UNC5D: variants seen among roughly 807,000 people sequenced by gnomAD.
UNC5D encodes unc-5 netrin receptor D.
In UNC5D, 39 loss-of-function variants were observed where a neutral mutation model predicts 105.4. The observed-to-expected ratio is 0.37, with a 90% CI of 0.29 to 0.48. The LOEUF is 0.48. UNC5D is among the 20% of genes least tolerant of loss of function. The pLI is 0.98. For synonymous variants in UNC5D, 452 were observed against 450.4 expected, an observed-to-expected ratio of 1.00 and a Z score of -0.04; for missense variants, 991 against 1,202.4, an observed-to-expected ratio of 0.82 and a Z score of 2.60.
chr8:35,589,792 A>G (rs1554568599), intron 3 of UNC5D, among the ~76,000 whole-genome samples: 1 of 152,132 alleles, frequency 6.6e-6, no homozygotes, highest in Non-Finnish European at 1.5e-5. Context: ...CTAGCATAGC[A>G]TTTTTAAGAT....
chr8:35,751,774 G>C (rs998159038), intron 13 of UNC5D, among the ~76,000 whole-genome samples: 2 of 152,198 alleles, frequency 1.3e-5, no homozygotes, highest in Admixed American at 6.5e-5. Flanking sequence ...CGCATGTGCA[G>C]AACATTGTGT....
rs376290499 is a variant in UNC5D at position 35,306,470 on chromosome 8, AAT to A, written c.103+70585_103+70586del. Among the ~76,000 whole-genome samples the A allele has an allele frequency of 3.2e-4, 49 of 152,206 alleles. 1 individual carries two copies. Among genetic ancestry groups the A allele is most frequent in the African/African-American group, 1.2e-3 (48 of 41,548 alleles). On this transcript the variant is annotated intron_variant, in intron 1 of 16. Transcript: ENST00000404895. ...TAAAATTTTTCTGTGGTTTTGCCTG[AAT>A]ACTATGAAGACTACTTATTTACAGA...
At chr8:35,438,475 G>A (rs563199449) in intron 1 of UNC5D, among the ~76,000 whole-genome samples, 44 of 151,958 alleles carry the variant, frequency 2.9e-4, no homozygotes, top group South Asian at 1.0e-3. Context: ...AATCATGCTG[G>A]GACAACCAGC....
chr8:35,753,990 G>A (rs1290726395), intron 13 of UNC5D, among the ~76,000 whole-genome samples: 2 of 152,150 alleles, frequency 1.3e-5, no homozygotes, highest in Non-Finnish European at 2.9e-5. Context: ...GATTTATTTT[G>A]ATCACCTGCA....
intron 1 of UNC5D, among the ~76,000 whole-genome samples, chr8:35,389,502 A>G (rs1273129136): frequency 2.0e-5 from 3 of 152,160 alleles, no homozygotes; most frequent in Non-Finnish European, 4.4e-5. Flanking sequence ...ACATGACTGT[A>G]ATGATGAAAA....
At chr8:35,382,492 C>T (rs1193749571) in intron 1 of UNC5D, among the ~76,000 whole-genome samples, 1 of 152,048 alleles carries the variant, frequency 6.6e-6, no homozygotes, top group Non-Finnish European at 1.5e-5. Flanking sequence ...AAATTTAGCG[C>T]TTTCTTTTGC....
intron 1 of UNC5D, among the ~76,000 whole-genome samples, chr8:35,373,364 C>G (rs1354298136): frequency 1.3e-5 from 2 of 152,224 alleles, no homozygotes; most frequent in Non-Finnish European, 2.9e-5. Context: ...GTTACCTACT[C>G]TACAGTACAA....
chr8:35,438,570 T>C (rs1807183324), intron 1 of UNC5D, among the ~76,000 whole-genome samples: 1 of 152,012 alleles, frequency 6.6e-6, no homozygotes, highest in Non-Finnish European at 1.5e-5. Context: ...ACATTCACTA[T>C]CAAGGATCAC....
intron 12 of UNC5D, among the ~76,000 whole-genome samples, chr8:35,749,772 C>A (rs778299466): frequency 1.3e-5 from 2 of 152,120 alleles, no homozygotes; most frequent in African/African-American, 4.8e-5. Flanking sequence ...TCCTCACAAT[C>A]TCTTATACAC....
At chr8:35,573,879 G>A (rs1563549502) in intron 3 of UNC5D, among the ~76,000 whole-genome samples, 1 of 152,170 alleles carries the variant, frequency 6.6e-6, no homozygotes, top group Non-Finnish European at 1.5e-5. Flanking sequence ...GCTGGAAATT[G>A]CGGAGGCCTA....
At chr8:35,495,523 G>C (rs932882005) in intron 1 of UNC5D, among the ~76,000 whole-genome samples, 2 of 143,632 alleles carry the variant, frequency 1.4e-5, no homozygotes, top group African/African-American at 5.1e-5. Flanking sequence ...TTACAAATTT[G>C]TGTTGGGCCC....
At chr8:35,571,439 A>G (rs762723501) in intron 3 of UNC5D, among the ~76,000 whole-genome samples, 1 of 152,234 alleles carries the variant, frequency 6.6e-6, no homozygotes. Context: ...TTATTTATGC[A>G]AGTCAAGACA....
chr8:35,447,989 T>C (rs1171907646), intron 1 of UNC5D, among the ~76,000 whole-genome samples: 1 of 152,140 alleles, frequency 6.6e-6, no homozygotes, highest in Non-Finnish European at 1.5e-5. Context: ...ATCTCATTTT[T>C]ATATCTCTTT....
intron 1 of UNC5D, among the ~76,000 whole-genome samples, chr8:35,417,904 T>C (rs1045740848): frequency 6.6e-6 from 1 of 152,186 alleles, no homozygotes; most frequent in African/African-American, 2.4e-5. Flanking sequence ...TTGTGTCACA[T>C]AGTAAATCAG....
At chr8:35,343,671 C>A (rs1811611446) in intron 1 of UNC5D, among the ~76,000 whole-genome samples, 1 of 152,048 alleles carries the variant, frequency 6.6e-6, no homozygotes, top group African/African-American at 2.4e-5. Context: ...TAAAAATCTT[C>A]TTTGCTAAGT....
At chr8:35,359,582 A>T (rs575317040) in intron 1 of UNC5D, among the ~76,000 whole-genome samples, 2 of 152,188 alleles carry the variant, frequency 1.3e-5, no homozygotes, top group Non-Finnish European at 2.9e-5. Context: ...TATACCATAC[A>T]TGGATTACTT....
At chr8:35,504,003 G>A (rs1359583781) in intron 1 of UNC5D, among the ~76,000 whole-genome samples, 1 of 152,196 alleles carries the variant, frequency 6.6e-6, no homozygotes, top group Non-Finnish European at 1.5e-5. Flanking sequence ...CCCTTGAAAT[G>A]GTTGCCAGGT....
intron 1 of UNC5D, among the ~76,000 whole-genome samples, chr8:35,489,068 G>A (rs947370387): frequency 1.3e-5 from 2 of 151,154 alleles, no homozygotes; most frequent in East Asian, 2.0e-4. Context: ...GTGCAGTGGC[G>A]TGATCTCTGC....
At chr8:35,763,049 G>C (rs1412224512) in intron 14 of UNC5D, among the ~76,000 whole-genome samples, 2 of 152,110 alleles carry the variant, frequency 1.3e-5, no homozygotes, top group African/African-American at 4.8e-5. Context: ...GAGCTCGTTG[G>C]TGTTTTTTGT....
Sources: gnomAD v4.1 joint callset for allele counts (sites outside exome capture counted in the v4.1 genomes callset) on GRCh38, gnomAD v4.1.1 for gene constraint, MANE v1.5 for transcripts, NCBI Gene and HGNC (gene_info 2026-07-23, HGNC 2026-07-21) for gene names.